Variants in CFAP251 observed in about 807,000 individuals in gnomAD.
The protein encoded by CFAP251 is cilia- and flagella-associated protein 251.
CFAP251 carries 93 observed loss-of-function variants against 126.7 expected under a neutral mutation model. The observed-to-expected ratio is 0.73, with a 90% CI of 0.62 to 0.87. The LOEUF (loss-of-function observed/expected upper bound fraction) is 0.87. Ranked by LOEUF, CFAP251 falls within the 40% of genes least tolerant of loss-of-function variation. CFAP251 has a pLI of 0.00. For missense variants in CFAP251, 1,287 were observed against 1,389.2 expected (o/e 0.93, Z 1.17); for synonymous variants, 503 against 506.9 (o/e 0.99, Z 0.10).
chr12:121,993,148 T>G (rs1882918460), intron 19 of CFAP251, among the ~76,000 whole-genome samples: 1 of 146,062 alleles, frequency 6.8e-6, no homozygotes, highest in Non-Finnish European at 1.5e-5. Flanking sequence ...TGACTGGTTT[T>G]GGTGGAGACC....
In CFAP251 at chr12:121,921,404, A is replaced by G. The variant is rs1211397020; in HGVS notation, c.99A>G (p.Val33=). The change falls in exon 2 of 22, where the codon GTA becomes GTG. Residue 33 remains valine, a synonymous_variant. Coordinates refer to ENST00000288912, the MANE Select transcript of CFAP251 (RefSeq NM_144668.6). The part of the protein sequence containing the change: ...EEEPNPNYKE[V]EDPQQESKDD... ...AACCTAATCCAAATTATAAAGAAGTAGAAGATCCACAACAGGAATCAAAAG... is the reference window on the plus strand; with the variant it reads ...AACCTAATCCAAATTATAAAGAAGTGGAAGATCCACAACAGGAATCAAAAG... The G allele has an allele frequency of 7.4e-6, 12 of 1,613,940 alleles. No homozygotes were observed. The highest frequency in any genetic ancestry group is 1.0e-5 in the Non-Finnish European group (12 of 1,180,018).
chr12:121,967,958 G>A (rs777249815), intron 16 of CFAP251, 48 bp from the exon 17 acceptor site: 12 of 1,544,446 alleles, frequency 7.8e-6, no homozygotes, highest in East Asian at 6.9e-5. Flanking sequence ...GGCCTCTCTC[G>A]GGCCCAGCTA....
At chr12:121,964,956 G>T (rs1425174507) in intron 15 of CFAP251, among the ~76,000 whole-genome samples, 1 of 152,140 alleles carries the variant, frequency 6.6e-6, no homozygotes, top group Non-Finnish European at 1.5e-5. Context: ...ATGGCATTTA[G>T]TACTCATGGT....
chr12:121,993,036 T>C (rs2135813686), intron 19 of CFAP251, among the ~76,000 whole-genome samples: 1 of 139,170 alleles, frequency 7.2e-6, no homozygotes, highest in South Asian at 2.5e-4. Context: ...GAGCCGAAGC[T>C]GGACTGTACT....
At position 122,003,756 on chromosome 12, in the gene CFAP251, G is replaced by A; in HGVS notation, c.3442G>A (p.Gly1148Ser). 3 of 1,604,288 alleles carry A rather than the reference G, an allele frequency of 1.9e-6. 1 individual carries two copies. In the Middle Eastern group the frequency reaches 5.0e-4, roughly 267 times the overall value. ...LTISEDSGQD[G>S]Q is the part of the protein sequence containing the mutation. ...CATTTCAGAAGATTCCGGCCAGGAT[G>A]GTCAGTGAAGTTACCAGGAATGTTT... The change falls in exon 22 of 22, where the codon GGT becomes AGT. Residue 1148 changes from glycine to serine, a missense_variant. Coordinates refer to ENST00000288912, the MANE Select transcript of CFAP251 (RefSeq NM_144668.6).
intron 8 of CFAP251, chr12:121,949,536 T>C (rs1439580363): frequency 6.8e-6 from 1 of 147,500 alleles, no homozygotes; most frequent in Non-Finnish European, 1.5e-5. Flanking sequence ...TAGAAAGGAA[T>C]TAGCAAACAG....
chr12:121,986,024 C>T (rs1036276632), intron 19 of CFAP251, among the ~76,000 whole-genome samples: 2 of 152,104 alleles, frequency 1.3e-5, no homozygotes, highest in Non-Finnish European at 2.9e-5. Flanking sequence ...GAGAGTCTTG[C>T]TGTTTTGCCC....
At chr12:121,968,747 GC>G in intron 17 of CFAP251, 1 of 267,468 alleles carries the variant, frequency 3.7e-6, no homozygotes, top group Middle Eastern at 1.9e-3. Context: ...GAGGGTGATA[GC>G]ATGTGAAATG....
chr12:122,000,106 G>A (rs1411057740), intron 20 of CFAP251, among the ~76,000 whole-genome samples, 162 bp downstream of exon 20: 3 of 152,156 alleles, frequency 2.0e-5, no homozygotes, highest in Non-Finnish European at 4.4e-5. Context: ...CTGCATCCCT[G>A]GCAAGTACGA....
chr12:121,998,534 A>G (rs1366606334), intron 19 of CFAP251: 3 of 136,814 alleles, frequency 2.2e-5, no homozygotes, highest in African/African-American at 8.2e-5. Context: ...CTCCCATTCA[A>G]TTCTGGGTGC....
intron 15 of CFAP251, among the ~76,000 whole-genome samples, 180 bp from the exon 16 acceptor site, chr12:121,966,775 G>A (rs532607345): frequency 1.3e-5 from 2 of 151,774 alleles, no homozygotes; most frequent in African/African-American, 4.8e-5. Flanking sequence ...TAGTAGAGAC[G>A]GGGTTTCACC....
chr12:121,948,123 T>C (rs902136929), intron 7 of CFAP251: 5 of 152,426 alleles, frequency 3.3e-5, no homozygotes, highest in African/African-American at 1.2e-4. Flanking sequence ...GTTCTTGCTG[T>C]GGCTGTTTGG....
At chr12:121,964,580 A>T (rs971232724) in intron 15 of CFAP251, among the ~76,000 whole-genome samples, 7 of 152,216 alleles carry the variant, frequency 4.6e-5, no homozygotes, top group South Asian at 2.1e-4. Context: ...TATCAAGGTG[A>T]TACTCACGTA....
intron 3 of CFAP251, among the ~76,000 whole-genome samples, chr12:121,927,141 GC>G (rs369173347): frequency 6.6e-6 from 1 of 150,448 alleles, no homozygotes; most frequent in African/African-American, 2.4e-5. Flanking sequence ...TTATCTGTGT[GC>G]CCATGCCTGT....
At chr12:121,984,623 A>C (rs1224477337) in intron 19 of CFAP251, among the ~76,000 whole-genome samples, 1 of 152,218 alleles carries the variant, frequency 6.6e-6, no homozygotes, top group East Asian at 1.9e-4. Context: ...TCATTTTTAA[A>C]TGAAAGATCT....
chr12:121,980,249 T>C (rs1428922447), intron 19 of CFAP251, among the ~76,000 whole-genome samples: 6 of 152,178 alleles, frequency 3.9e-5, no homozygotes, highest in Admixed American at 1.3e-4. Flanking sequence ...AGATGACAGC[T>C]AAGACGTGGG....
At chr12:121,960,872 T>A in intron 14 of CFAP251, 114 bp downstream of exon 14, 2 of 1,266,508 alleles carry the variant, frequency 1.6e-6, no homozygotes, top group Non-Finnish European at 2.2e-6. Context: ...TTGGAGAAAA[T>A]GAATGCACAG....
At chr12:121,939,604 T>A (rs80223797) in intron 5 of CFAP251, among the ~76,000 whole-genome samples, 5,677 of 150,940 alleles carry the variant, frequency 0.038, 134 homozygotes, top group Middle Eastern at 0.051. Context: ...TGATTTTTTT[T>A]AAAAAATTTC....
chr12:121,928,658 G>GTATATATATACGTATATATA, intron 3 of CFAP251, among the ~76,000 whole-genome samples: 1 of 26,742 alleles, frequency 3.7e-5, no homozygotes, highest in South Asian at 1.2e-3. Context: ...ATATATATAC[G>GTATATATATACGTATATATA]TATATATATA....
Sources: gnomAD v4.1 joint callset for allele counts (sites outside exome capture counted in the v4.1 genomes callset) on GRCh38, gnomAD v4.1.1 for gene constraint, MANE v1.5 for transcripts, NCBI Gene and HGNC (gene_info 2026-07-23, HGNC 2026-07-21) for gene names.